Variants in WDR35 observed in about 807,000 individuals in gnomAD.
The protein encoded by WDR35 is WD repeat domain 35.
WDR35 carries 118 observed loss-of-function variants against 158.3 expected under a neutral mutation model. The observed-to-expected ratio is 0.75, with a 90% confidence interval of 0.64 to 0.87. The LOEUF (loss-of-function observed/expected upper bound fraction) is 0.87, where lower values mean the gene tolerates loss of function less well. WDR35 is among the 40% of genes least tolerant of loss of function. WDR35 has a pLI of 0.00. For synonymous variants in WDR35, 448 were observed against 476.1 expected (o/e 0.94, Z 0.77); for missense variants, 1,263 against 1,405.8 (o/e 0.90, Z 1.62).
chr2:19,926,887 CG>C (rs1207836609), intron 25 of WDR35, among the ~76,000 whole-genome samples: 2 of 116,990 alleles, frequency 1.7e-5, no homozygotes, highest in African/African-American at 7.4e-5. Flanking sequence ...GAAGAGATTC[CG>C]GGAGGATCTC....
intron 9 of WDR35, among the ~76,000 whole-genome samples, chr2:19,967,332 T>C (rs1671888866): frequency 6.6e-6 from 1 of 152,168 alleles, no homozygotes; most frequent in Non-Finnish European, 1.5e-5. Flanking sequence ...TTTGCTTTTA[T>C]CAGAGTAACA....
chr2:19,936,236 AAAG>A lies in WDR35; in HGVS notation c.2394_2396del (p.Phe799del), dbSNP rs1670690728. 1 of 1,613,862 alleles carries A rather than the reference AAAG, an allele frequency of 6.2e-7. No individual in the cohort carries two copies. The highest frequency in any genetic ancestry group is 8.5e-7 in the Non-Finnish European group (1 of 1,179,920). ...TTACATACCACTTTTGTCGATCAGC[AAAG>A]TAGTCTCCAATGGCATTGTTGGCTT... On this transcript the variant is annotated inframe_deletion, in exon 20 of 27. Coordinates refer to ENST00000281405, the MANE Select transcript of WDR35 (RefSeq NM_020779.4).
rs768129419 is a variant in WDR35 at position 19,937,706 on chromosome 2, T to TA, written c.2267+36dup. 37 of 1,612,602 alleles carry TA rather than the reference T, an allele frequency of 2.3e-5. No individual in the cohort carries two copies. The East Asian group carries it at 2.9e-4, about 13-fold the overall frequency. Reference sequence around the variant, plus strand: ...TGTAAAAAATACAATGATGAACTGATAGAGTACTCAGGGATGCCTGCGCCT... The same window carrying TA: ...TGTAAAAAATACAATGATGAACTGATAAGAGTACTCAGGGATGCCTGCGCCT... On this transcript the variant is annotated intron_variant, in intron 19 of 26. Coordinates refer to ENST00000281405, the MANE Select transcript of WDR35 (RefSeq NM_020779.4).
At chr2:19,970,153 T>C (rs566936579) in intron 8 of WDR35, among the ~76,000 whole-genome samples, 70 of 152,266 alleles carry the variant, frequency 4.6e-4, no homozygotes, top group Non-Finnish European at 9.1e-4. Flanking sequence ...TGCCATAGAC[T>C]GAAACATGAA....
At position 19,913,779 on chromosome 2, in the gene WDR35, TA is replaced by T. The variant is rs200407223; in HGVS notation, c.3363-72del. On this transcript the variant is annotated intron_variant, in intron 26 of 26. Coordinates refer to ENST00000281405, the MANE Select transcript of WDR35 (RefSeq NM_020779.4). ...TTAGTCTAACTTTATTTAATACACT[TA>T]AAAAAAACCTAAAGAATAAAACTTC... is the stretch of plus-strand genomic sequence containing the variant. 2.2e-3 allele frequency: 3,564 copies of T among 1,586,040 alleles called. 71 individuals carry two copies. The African/African-American group carries it at 0.041, about 18-fold the overall frequency.
At chr2:19,940,773 AAAC>A (rs973948027) in intron 17 of WDR35, among the ~76,000 whole-genome samples, 2 of 152,108 alleles carry the variant, frequency 1.3e-5, no homozygotes, top group Non-Finnish European at 2.9e-5. Context: ...CTAAACAACA[AAAC>A]AACAACAAAA....
intron 7 of WDR35, 147 bp from the exon 8 acceptor site, chr2:19,973,855 C>T: frequency 8.6e-7 from 1 of 1,164,866 alleles, no homozygotes; most frequent in East Asian, 2.6e-5. Flanking sequence ...CGCCTATAAT[C>T]CCAACACTTT....
In WDR35 at chr2:19,983,390, A is replaced by G. The variant is rs76198011; in HGVS notation, c.143-856T>C. On this transcript the variant is annotated intron_variant, in intron 2 of 26. Coordinates refer to ENST00000281405, the MANE Select transcript of WDR35 (RefSeq NM_020779.4). ...CAAGGCTGGAGTGATAGGCACAAGA[A>G]AAACTATGAAGTATTTGTAGAAAAT... Among the ~76,000 whole-genome samples, 321 of 152,330 alleles carry G rather than the reference A, an allele frequency of 2.1e-3. 1 individual carries two copies. The highest frequency in any genetic ancestry group is 7.5e-3 in the African/African-American group (313 of 41,572).
chr2:19,962,230 G>A, intron 10 of WDR35: 1 of 1,569,278 alleles, frequency 6.4e-7, no homozygotes, highest in South Asian at 1.1e-5. Context: ...TTTCTGATCA[G>A]CTATAACCTC....
intron 8 of WDR35, among the ~76,000 whole-genome samples, chr2:19,971,037 T>C (rs1471736789): frequency 6.8e-6 from 1 of 147,450 alleles, no homozygotes; most frequent in African/African-American, 2.5e-5. Context: ...ATTTTTTTAA[T>C]TTAAAATTTA....
At chr2:19,972,247 A>T (rs114843223) in intron 8 of WDR35, among the ~76,000 whole-genome samples, 1,770 of 152,314 alleles carry the variant, frequency 0.012, 36 homozygotes, top group African/African-American at 0.04. Context: ...CACTCAGAAA[A>T]TACTGACTAC....
At chr2:19,960,480 C>T (rs1671610480) in intron 11 of WDR35, 74 bp downstream of exon 11, 3 of 1,175,520 alleles carry the variant, frequency 2.6e-6, no homozygotes, top group Non-Finnish European at 2.5e-6. Context: ...TTAATAATAC[C>T]AGTGTTAGGT....
chr2:19,936,126 T>A, intron 20 of WDR35, 93 bp downstream of exon 20: 1 of 1,558,940 alleles, frequency 6.4e-7, no homozygotes, highest in Non-Finnish European at 8.8e-7. Context: ...AAGAAAATGA[T>A]CTTCATTTCC....
At chr2:19,925,159 G>A (rs2103390477) in intron 25 of WDR35, among the ~76,000 whole-genome samples, 1 of 152,336 alleles carries the variant, frequency 6.6e-6, no homozygotes, top group African/African-American at 2.4e-5. Flanking sequence ...CAAAGGGTCT[G>A]TGGACCCTTG....
intron 2 of WDR35, 30 bp from the exon 3 acceptor site, chr2:19,982,564 T>A: frequency 6.2e-7 from 1 of 1,605,062 alleles, no homozygotes; most frequent in Non-Finnish European, 8.5e-7. Flanking sequence ...ACTACTATGA[T>A]AAATATGTAA....
At position 19,966,889 on chromosome 2, in the gene WDR35, A is replaced by G. The variant is rs536150588; in HGVS notation, c.1029T>C (p.Thr343=). The G allele has an allele frequency of 1.2e-4, 197 of 1,613,940 alleles. No individual in the cohort carries two copies. The highest frequency in any genetic ancestry group is 2.2e-4 in the South Asian group (20 of 91,070). Residue 343 remains threonine (T), a synonymous_variant, in exon 10 of 27, where the codon ACT becomes ACC. Coordinates refer to ENST00000281405, the MANE Select transcript of WDR35 (RefSeq NM_020779.4). ...CAGGTCTGGTATATGCATAAACTAC[A>G]GTGTTTGAGCAATAACCCCACTAGG... ...PNYKWGYCSN[T]VVYAYTRPDR...
chr2:19,934,299 G>C lies in WDR35; in HGVS notation c.2548-788C>G, dbSNP rs1350215868. On this transcript the variant is annotated intron_variant, in intron 21 of 26. Coordinates refer to ENST00000281405, the MANE Select transcript of WDR35 (RefSeq NM_020779.4). This position sits in a 1 kb window ranked among gnomAD's most constrained non-coding sequence, Gnocchi z 4.6. ...AAAAAAAATTACAAAACATGAAAAA[G>C]TGAAATTACTCATAATCTTATCATT... Among the ~76,000 whole-genome samples the C allele has an allele frequency of 1.3e-5, 2 of 151,998 alleles. No individual in the cohort carries two copies. The highest frequency in any genetic ancestry group is 3.9e-4 in the East Asian group (2 of 5,194).
rs1306462226 is a variant in WDR35, at chr2:19,978,754, C to T, written c.433G>A (p.Asp145Asn). 1 of 1,613,766 alleles carries T rather than the reference C, an allele frequency of 6.2e-7. No individual in the cohort carries two copies. Residue 145 changes from aspartate to asparagine, a missense_variant, in exon 5 of 27, where the codon GAT (aspartate) becomes AAT (asparagine). Transcript: ENST00000281405. ...CTATGTCCAATCAATACATTACCAT[C>T]CACTGAACCAACTATCACAGCCCCA... is the stretch of plus-strand genomic sequence containing the variant. ...EDGAVIVGSV[D>N]GNRIWGKDLK...
At chr2:19,931,438 T>A (rs770138960) in intron 23 of WDR35, 29 bp from the exon 24 acceptor site, 14 of 1,610,360 alleles carry the variant, frequency 8.7e-6, no homozygotes, top group Admixed American at 6.7e-5. Flanking sequence ...TTGAGGGAAG[T>A]TACTTCTTAT....
Sources: gnomAD v4.1 joint callset for allele counts (sites outside exome capture counted in the v4.1 genomes callset) on GRCh38, gnomAD v4.1.1 for gene constraint, Gnocchi (gnomAD v3.1) non-coding constraint, MANE v1.5 for transcripts, NCBI Gene and HGNC (gene_info 2026-07-23, HGNC 2026-07-21) for gene names.